ZFYVE27: variants seen among roughly 807,000 people sequenced by gnomAD.
ZFYVE27 encodes zinc finger FYVE-type containing 27, also known as protrudin.
A neutral mutation model predicts 52.8 loss-of-function variants in ZFYVE27; 36 were observed. That is an observed-to-expected ratio of 0.68 (90% CI 0.52 to 0.90). The LOEUF (loss-of-function observed/expected upper bound fraction) is 0.90, where lower values mean the gene tolerates loss of function less well. ZFYVE27 is among the 40% of genes least tolerant of loss of function. The pLI is 0.00. For synonymous variants in ZFYVE27, 223 were observed against 215.6 expected (o/e 1.03, Z -0.30); for missense variants, 450 against 527.2 (o/e 0.85, Z 1.43).
intron 7 of ZFYVE27, among the ~76,000 whole-genome samples, chr10:97,751,004 A>G (rs1392178940): frequency 1.3e-5 from 2 of 152,124 alleles, no homozygotes; most frequent in Non-Finnish European, 2.9e-5. Context: ...CGGCCTCCCA[A>G]AGTGCTGGGA....
At chr10:97,748,635 C>T (rs189090671) in intron 5 of ZFYVE27, among the ~76,000 whole-genome samples, 8 of 152,292 alleles carry the variant, frequency 5.3e-5, no homozygotes, top group Non-Finnish European at 1.0e-4. Flanking sequence ...TTTGTTTTGC[C>T]TGCTAGAATT....
At chr10:97,757,472 T>A (rs3750613) in intron 11 of ZFYVE27, among the ~76,000 whole-genome samples, 161 bp downstream of exon 11, 5,170 of 152,218 alleles carry the variant, frequency 0.034, 109 homozygotes, top group South Asian at 0.048. Context: ...TGTGCCACCT[T>A]TTACCAGCCT....
intron 10 of ZFYVE27, among the ~76,000 whole-genome samples, chr10:97,756,029 C>T (rs1403892083): frequency 6.6e-6 from 1 of 152,204 alleles, no homozygotes; most frequent in African/African-American, 2.4e-5. Context: ...CCCCAGCCCA[C>T]TTGGCTGCCC....
At chr10:97,741,113 C>T (rs1013983384) in intron 2 of ZFYVE27, among the ~76,000 whole-genome samples, 12 of 152,136 alleles carry the variant, frequency 7.9e-5, no homozygotes, top group Admixed American at 2.6e-4. Context: ...CATTTCATTC[C>T]CTTACTCATA....
At chr10:97,744,959 G>A (rs1211060995) in intron 4 of ZFYVE27, 44 bp downstream of exon 4, 2 of 1,539,386 alleles carry the variant, frequency 1.3e-6, no homozygotes, top group South Asian at 1.2e-5. Flanking sequence ...AACAGTAACA[G>A]CAGCCATGAC....
At chr10:97,752,142 C>T (rs1182495591) in intron 8 of ZFYVE27, among the ~76,000 whole-genome samples, 1 of 152,218 alleles carries the variant, frequency 6.6e-6, no homozygotes, top group Non-Finnish European at 1.5e-5. Flanking sequence ...GTCCTCAACA[C>T]CCCCTGCTGT....
At chr10:97,749,660 G>A (rs754208234) in intron 6 of ZFYVE27, 74 bp downstream of exon 6, 30 of 1,194,320 alleles carry the variant, frequency 2.5e-5, no homozygotes, top group Non-Finnish European at 3.4e-5. Context: ...CAGTTCTTCT[G>A]TCTCTACAGC....
intron 4 of ZFYVE27, among the ~76,000 whole-genome samples, chr10:97,746,044 TA>T (rs1441807961): frequency 0.014 from 816 of 56,862 alleles, 12 homozygotes; most frequent in African/African-American, 0.061. Context: ...TATATATATA[TA>T]TATATATTTT....
chr10:97,745,048 C>G lies in ZFYVE27; in HGVS notation c.455+133C>G, dbSNP rs752141728. On this transcript the variant is annotated intron_variant, in intron 4 of 12. Coordinates refer to ENST00000684270, the MANE Select transcript of ZFYVE27 (RefSeq NM_001385875.1). ...ACTTCATTTAACCTTTTTAACAGTT[C>G]CGGGAGGTAGTTAATATTAACATCT... The G allele has an allele frequency of 1.8e-5, 19 of 1,077,292 alleles. No individual in the cohort carries two copies. The South Asian group carries it at 2.7e-4, about 15-fold the overall frequency. 66.7% of individuals were successfully genotyped at this position (1,077,292 alleles called of 1,614,324 possible). A position where few individuals can be genotyped will look rare whatever the true frequency, so the allele number is the denominator to read the frequency against.
chr10:97,744,875 C>T lies in ZFYVE27; in HGVS notation c.415C>T (p.Arg139Cys), dbSNP rs369972013. ...GAGGCAGGAGGACCTGCAGAGAGGT[C>T]GCCTGTCTCGTCCCGAGGCCGTGGC... Reference protein sequence around the residue: ...SVRQEDLQRGRLSRPEAVAEV... With the variant: ...SVRQEDLQRGCLSRPEAVAEV... The change falls in exon 4 of 13, where the codon CGC (arginine) becomes TGC (cysteine). Residue 139 changes from arginine (R) to cysteine (C), a missense_variant. Coordinates refer to ENST00000684270, the MANE Select transcript of ZFYVE27 (RefSeq NM_001385875.1). 55 of 1,605,976 alleles carry T rather than the reference C, an allele frequency of 3.4e-5. No homozygotes were observed. Among genetic ancestry groups the T allele is most frequent in the African/African-American group, 2.5e-4 (19 of 74,936 alleles).
chr10:97,740,494 T>C (rs1474374849), intron 2 of ZFYVE27, among the ~76,000 whole-genome samples: 3 of 152,246 alleles, frequency 2.0e-5, no homozygotes, highest in African/African-American at 7.2e-5. Flanking sequence ...TGTTGCTCTT[T>C]GTGGCAAAGT....
rs376483712 is a variant in ZFYVE27 at position 97,738,615 on chromosome 10, G to A, written c.138G>A (p.Arg46=). 5 of 1,614,020 alleles carry A rather than the reference G, an allele frequency of 3.1e-6. No individual in the cohort carries two copies. The African/African-American group carries it at 4.0e-5, about 13-fold the overall frequency. Residue 46 remains arginine, a synonymous_variant, in exon 2 of 13, where the codon AGG becomes AGA. Coordinates refer to ENST00000684270, the MANE Select transcript of ZFYVE27 (RefSeq NM_001385875.1). ...TCAACTTGGTTCTCTCCTACAAGAG[G>A]CTGGAGATCTACCTGGAACCCTTGA... The part of the protein sequence containing the change: ...DLFNLVLSYK[R]LEIYLEPLKD...
intron 3 of ZFYVE27, 135 bp downstream of exon 3, chr10:97,743,299 T>C (rs1284181830): frequency 9.4e-7 from 1 of 1,067,668 alleles, no homozygotes; most frequent in African/African-American, 1.6e-5. Flanking sequence ...CTGCTTGGAG[T>C]CAGAAACAGC....
At chr10:97,739,885 G>GTTTTTTTGTTTTTTTTTTTTTTT (rs1554886947) in intron 2 of ZFYVE27, among the ~76,000 whole-genome samples, 1 of 137,270 alleles carries the variant, frequency 7.3e-6, no homozygotes, top group East Asian at 2.2e-4. Flanking sequence ...TTAGAAAAGT[G>GTTTTTTTGTTTTTTTTTTTTTTT]TTTTTTTTTT....
intron 2 of ZFYVE27, among the ~76,000 whole-genome samples, chr10:97,739,883 G>GTGTTTTTT (rs147444844): frequency 1.5e-4 from 16 of 105,346 alleles, no homozygotes; most frequent in Admixed American, 4.7e-4. Flanking sequence ...AGTTAGAAAA[G>GTGTTTTTT]TGTTTTTTTT....
At chr10:97,749,435 T>TA (rs1554892330) in intron 5 of ZFYVE27, 39 bp from the exon 6 acceptor site, 1 of 1,538,164 alleles carries the variant, frequency 6.5e-7, no homozygotes, top group Non-Finnish European at 9.0e-7. Flanking sequence ...CTTCTGCTGT[T>TA]ACGAATTTCT....
At chr10:97,750,692 A>G (rs375581269) in intron 7 of ZFYVE27, among the ~76,000 whole-genome samples, 1 of 151,538 alleles carries the variant, frequency 6.6e-6, no homozygotes, top group African/African-American at 2.4e-5. Flanking sequence ...TGCTTTATAG[A>G]TAGATATTCA....
At chr10:97,755,477 T>C (rs758531668) in intron 10 of ZFYVE27, among the ~76,000 whole-genome samples, 1 of 152,214 alleles carries the variant, frequency 6.6e-6, no homozygotes. Context: ...TCCGTCGTCA[T>C]AGACAGCACC....
Position 97,753,138 on chromosome 10 carries a change from G to T in ZFYVE27, c.998G>T (p.Arg333Leu), listed in dbSNP as rs370222554. The T allele has an allele frequency of 6.2e-7, 1 of 1,612,076 alleles. No individual in the cohort carries two copies. Residue 333 changes from arginine to leucine, a missense_variant, in exon 10 of 13, where the codon CGG becomes CTG. Physicochemically the swap from Arg to Leu is moderately radical, Grantham distance 102. Coordinates refer to ENST00000684270, the MANE Select transcript of ZFYVE27 (RefSeq NM_001385875.1). ...KNEVLRSKVS[R>L]LTERLRKRYP... ...GAGGTGCTGCGCAGCAAGGTGTCTCGGCTCACGGAGCGGCTCCGCAAGCGC... is the reference window on the plus strand; with the variant it reads ...GAGGTGCTGCGCAGCAAGGTGTCTCTGCTCACGGAGCGGCTCCGCAAGCGC...
Sources: allele counts gnomAD v4.1 joint callset (sites outside exome capture counted in the v4.1 genomes callset), GRCh38; gene constraint gnomAD v4.1.1; transcripts MANE v1.5; gene names NCBI Gene and HGNC (gene_info 2026-07-23, HGNC 2026-07-21).